The following HSF2BP variants were observed in gnomAD, a reference collection of about 807,000 sequenced individuals.
HSF2BP encodes heat shock transcription factor 2 binding protein.
In HSF2BP, 35 loss-of-function variants were observed where a neutral mutation model predicts 35.0. That is an observed-to-expected ratio of 1.00 (90% CI 0.76 to 1.32). The LOEUF (loss-of-function observed/expected upper bound fraction) is 1.32, where lower values mean the gene tolerates loss of function less well. HSF2BP is among the 40% of genes most tolerant of loss of function. The probability of loss-of-function intolerance (pLI) is 0.00; values close to 1 mark genes in which losing one functional copy is unlikely to be tolerated. For missense variants in HSF2BP, 326 were observed against 321.7 expected (o/e 1.01, Z -0.10); for synonymous variants, 114 against 117.4 (o/e 0.97, Z 0.18).
At chr21:43,641,548 A>G (rs1295346633) in intron 4 of HSF2BP, among the ~76,000 whole-genome samples, 3 of 152,146 alleles carry the variant, frequency 2.0e-5, no homozygotes, top group Admixed American at 6.5e-5. Context: ...GCTTGCTCAT[A>G]CATCACACTT....
intron 6 of HSF2BP, among the ~76,000 whole-genome samples, chr21:43,622,809 C>T (rs2082345865): frequency 6.6e-6 from 1 of 152,164 alleles, no homozygotes; most frequent in Non-Finnish European, 1.5e-5. Flanking sequence ...GTAAACTACA[C>T]ACTAGACCAA....
In HSF2BP at chr21:43,600,728, G is replaced by T. The variant is rs534050401; in HGVS notation, c.693-8400C>A. 1.5e-4 allele frequency among the ~76,000 whole-genome samples: 23 copies of T among 152,230 alleles called. No individual in the cohort carries two copies. The East Asian group carries it at 4.2e-3, about 28-fold the overall frequency. ...ATGAAGACATACAAAAAGATATAAA[G>T]AATAATACAATACCCACCTCCCTGG... On this transcript the variant is annotated intron_variant, in intron 7 of 8. Coordinates refer to ENST00000291560, the MANE Select transcript of HSF2BP (RefSeq NM_007031.2).
At chr21:43,628,052 C>T (rs2082410928) in intron 6 of HSF2BP, among the ~76,000 whole-genome samples, 1 of 152,150 alleles carries the variant, frequency 6.6e-6, no homozygotes, top group South Asian at 2.1e-4. Context: ...CTGGCCATTC[C>T]CGTTTCTCTC....
chr21:43,620,720 TCATCATCATCACCATCATCAC>T (rs1210823545), intron 6 of HSF2BP, among the ~76,000 whole-genome samples: 5 of 151,932 alleles, frequency 3.3e-5, no homozygotes, highest in South Asian at 2.1e-4. Context: ...ATCATCATCA[TCATCATCATCACCATCATCAC>T]CATCATCATC....
intron 2 of HSF2BP, 187 bp downstream of exon 2, chr21:43,657,874 G>T: frequency 1.0e-6 from 1 of 985,474 alleles, no homozygotes; most frequent in Non-Finnish European, 1.2e-6. Flanking sequence ...GTTTGGAGGC[G>T]AAGTCGCCTC....
intron 7 of HSF2BP, among the ~76,000 whole-genome samples, chr21:43,612,686 G>A (rs1055057426): frequency 6.7e-6 from 1 of 150,310 alleles, no homozygotes; most frequent in African/African-American, 2.4e-5. Flanking sequence ...CTCCACAGCA[G>A]GGGATGGTGG....
chr21:43,656,209 C>T (rs943203505), intron 3 of HSF2BP, among the ~76,000 whole-genome samples: 5 of 152,346 alleles, frequency 3.3e-5, no homozygotes, highest in South Asian at 2.1e-4. Context: ...GAACACACTT[C>T]CAGCTATCTC....
At chr21:43,467,901 ACACG>A in the HSF2BP span, among the ~76,000 whole-genome samples, 35 of 110,270 alleles carry the variant, frequency 3.2e-4, no homozygotes, top group African/African-American at 1.2e-3. Context: ...CACACCACAC[ACACG>A]CACCACACAC....
intron 7 of HSF2BP, among the ~76,000 whole-genome samples, chr21:43,603,998 G>A (rs995381476): frequency 6.6e-6 from 1 of 152,130 alleles, no homozygotes; most frequent in African/African-American, 2.4e-5. Context: ...CACACCATGA[G>A]CCAGCTCTGC....
At chr21:43,507,392 A>G in the HSF2BP span, among the ~76,000 whole-genome samples, 2 of 60,184 alleles carry the variant, frequency 3.3e-5, no homozygotes, top group East Asian at 7.5e-4. Context: ...AAAGTAAGAA[A>G]TGACATAATG....
chr21:43,588,293 G>T lies in HSF2BP; in HGVS notation c.796+3932C>A, dbSNP rs139345872. Among the ~76,000 whole-genome samples the T allele has an allele frequency of 5.9e-5, 9 of 152,098 alleles. No homozygotes were observed. In the East Asian group the frequency reaches 7.7e-4, roughly 13 times the overall value. ...CTTGGGAGGCTGAGGCAGGAGAATC[G>T]CTTGAACCCAGGAGGCGGAAGTTGC... On this transcript the variant is annotated intron_variant, in intron 8 of 8. Coordinates refer to ENST00000291560, the MANE Select transcript of HSF2BP (RefSeq NM_007031.2).
chr21:43,617,053 C>G (rs935552824), intron 6 of HSF2BP, among the ~76,000 whole-genome samples: 1 of 152,244 alleles, frequency 6.6e-6, no homozygotes, highest in Admixed American at 6.5e-5. Flanking sequence ...CATCCCTCAA[C>G]GATTTGAGTC....
In HSF2BP at chr21:43,591,596, A is replaced by G. The variant is rs2081926357; in HGVS notation, c.796+629T>C. Reference sequence around the variant, plus strand: ...TAAAAGAAAGAACATCTTACAATCAATCCTACTTTCTAATACTTTAAAATT... The same window carrying G: ...TAAAAGAAAGAACATCTTACAATCAGTCCTACTTTCTAATACTTTAAAATT... On this transcript the variant is annotated intron_variant, in intron 8 of 8. Transcript: ENST00000291560. Among the ~76,000 whole-genome samples, 3 of 152,178 alleles carry G rather than the reference A, an allele frequency of 2.0e-5. No individual in the cohort carries two copies. In the South Asian group the frequency reaches 6.2e-4, roughly 32 times the overall value.
chr21:43,571,918 G>A lies in HSF2BP; in HGVS notation c.796+20307C>T, dbSNP rs191680825. On this transcript the variant is annotated intron_variant, in intron 8 of 8. Transcript: ENST00000291560. Reference sequence around the variant, plus strand: ...TGAAAGATCAGTCTAACAAAACAGCGGGGAGAGAGAGGGCTGAATCAGAGC... The same window carrying A: ...TGAAAGATCAGTCTAACAAAACAGCAGGGAGAGAGAGGGCTGAATCAGAGC... Among the ~76,000 whole-genome samples, 23 of 151,496 alleles carry A rather than the reference G, an allele frequency of 1.5e-4. No individual in the cohort carries two copies. In the East Asian group the frequency reaches 3.7e-3, roughly 24 times the overall value.
In HSF2BP at chr21:43,658,268, G is replaced by A. The variant is rs2082908867; in HGVS notation, c.-172C>T. The A allele has an allele frequency of 1.4e-6, 1 of 726,454 alleles. No homozygotes were observed. Among genetic ancestry groups the A allele is most frequent in the Non-Finnish European group, 2.2e-6 (1 of 464,874 alleles). The allele number at this position is 726,454 out of a possible 1,614,324, so 45.0% of individuals were successfully genotyped here. ...GGCCTAGAGAGCGAGGAGTGGCCTT[G>A]GCGAGGTCCCTCTTTGGCTCTTCTG... On this transcript the variant is annotated 5_prime_UTR_variant, in exon 2 of 9. Coordinates refer to ENST00000291560, the MANE Select transcript of HSF2BP (RefSeq NM_007031.2).
At chr21:43,639,800 A>G (rs879490876) in intron 4 of HSF2BP, among the ~76,000 whole-genome samples, 3 of 152,206 alleles carry the variant, frequency 2.0e-5, no homozygotes, top group Non-Finnish European at 4.4e-5. Context: ...TCACACAAAA[A>G]TAAAGACACA....
intron 8 of HSF2BP, among the ~76,000 whole-genome samples, chr21:43,572,807 A>G (rs1234605170): frequency 6.6e-6 from 1 of 152,250 alleles, no homozygotes; most frequent in Non-Finnish European, 1.5e-5. Context: ...TAGCAAAGTG[A>G]AAAAGTTCCA....
chr21:43,620,342 G>A (rs1195740106), intron 6 of HSF2BP, among the ~76,000 whole-genome samples: 2 of 152,162 alleles, frequency 1.3e-5, no homozygotes, highest in Admixed American at 6.5e-5. Flanking sequence ...TCATCTCCAA[G>A]ATAACATAGA....
At chr21:43,607,960 G>C (rs1236903706) in intron 7 of HSF2BP, among the ~76,000 whole-genome samples, 1 of 152,106 alleles carries the variant, frequency 6.6e-6, no homozygotes, top group African/African-American at 2.4e-5. Flanking sequence ...GATGGATTAA[G>C]GACTTAAATG....
Sources: allele counts gnomAD v4.1 joint callset (sites outside exome capture counted in the v4.1 genomes callset), GRCh38; gene constraint gnomAD v4.1.1; transcripts MANE v1.5; gene names NCBI Gene and HGNC (gene_info 2026-07-23, HGNC 2026-07-21).